The following HCN1 variants were observed in gnomAD, a reference collection of about 807,000 sequenced individuals.
HCN1 encodes the protein potassium/sodium hyperpolarization-activated cyclic nucleotide-gated channel 1.
In HCN1, 13 loss-of-function variants were observed where a neutral mutation model predicts 78.9. That is an observed-to-expected ratio of 0.16 (90% CI 0.11 to 0.26). The LOEUF is 0.26. HCN1 is among the 10% of genes least tolerant of loss of function. HCN1 has a pLI of 1.00. For synonymous variants in HCN1, 552 were observed against 455.5 expected, an observed-to-expected ratio of 1.21 and a Z score of -2.70; for missense variants, 810 against 1,154.3, an observed-to-expected ratio of 0.70 and a Z score of 4.32.
intron 3 of HCN1, among the ~76,000 whole-genome samples, chr5:45,456,115 T>C (rs1237610884): frequency 1.3e-5 from 2 of 152,030 alleles, no homozygotes; most frequent in Admixed American, 6.6e-5. Context: ...CTTAACTTTT[T>C]GGAAATTAAT....
intron 2 of HCN1, chr5:45,644,026 A>T (rs568269506): frequency 2.6e-5 from 4 of 152,122 alleles, no homozygotes; most frequent in Non-Finnish European, 4.4e-5. Context: ...TTATCAGTGT[A>T]TTATGCAGTG....
intron 2 of HCN1, chr5:45,642,214 T>C (rs1745470287): frequency 6.6e-6 from 1 of 152,130 alleles, no homozygotes; most frequent in African/African-American, 2.4e-5. Flanking sequence ...ATCCCAAATC[T>C]ATTGATCTTA....
At chr5:45,272,328 A>AGGTAC (rs1390999644) in intron 6 of HCN1, among the ~76,000 whole-genome samples, 1 of 152,056 alleles carries the variant, frequency 6.6e-6, no homozygotes, top group African/African-American at 2.4e-5. Context: ...TGTAGCTCAT[A>AGGTAC]CTATCCTTTA....
At chr5:45,626,094 T>C (rs1420006410) in intron 2 of HCN1, among the ~76,000 whole-genome samples, 2 of 152,146 alleles carry the variant, frequency 1.3e-5, no homozygotes, top group African/African-American at 2.4e-5. Context: ...ACTGTATAGA[T>C]AGGAAAATAT....
chr5:45,566,789 T>G (rs916888589), intron 2 of HCN1, among the ~76,000 whole-genome samples: 1 of 152,206 alleles, frequency 6.6e-6, no homozygotes, highest in African/African-American at 2.4e-5. Context: ...GGTTCCTCCC[T>G]ATGAGGAAAA....
chr5:45,262,342 G>T lies in HCN1; in HGVS notation c.2252C>A (p.Pro751Gln). ...GCCAGGTGTCTGTGGCTGCGGGGAC[G>T]GCTGCTGTGGCTGAGTCTGCGGCGG... is the stretch of plus-strand genomic sequence containing the variant. ...SQPPQTQPQQ[P>Q]SPQPQTPGSS... The change falls in exon 8 of 8, where the codon CCG becomes CAG. Residue 751 changes from proline to glutamine, a missense_variant. Pro to Gln is a moderately conservative substitution (Grantham distance 76). Around this residue, in one of 6 missense-constraint regions of HCN1, gnomAD observed 398 missense variants for 381.3 expected, o/e 1.04. Coordinates refer to ENST00000303230, the MANE Select transcript of HCN1 (RefSeq NM_021072.4). The T allele has an allele frequency of 1.2e-6, 2 of 1,613,240 alleles. No individual in the cohort carries two copies. Among genetic ancestry groups the T allele is most frequent in the Non-Finnish European group, 1.7e-6 (2 of 1,179,844 alleles).
intron 2 of HCN1, among the ~76,000 whole-genome samples, chr5:45,525,186 T>C (rs1012442471): frequency 6.6e-6 from 1 of 152,130 alleles, no homozygotes; most frequent in African/African-American, 2.4e-5. Flanking sequence ...TGAACCAGCC[T>C]TACATCCCAG....
At chr5:45,348,966 A>G (rs1746818793) in intron 5 of HCN1, among the ~76,000 whole-genome samples, 1 of 152,206 alleles carries the variant, frequency 6.6e-6, no homozygotes, top group Admixed American at 6.5e-5. Context: ...CAGATTAACG[A>G]GACAGAAAGT....
chr5:45,262,360 T>G lies in HCN1; in HGVS notation c.2234A>C (p.Gln745Pro), dbSNP rs2111839142. ...CGGGGACGGCTGCTGTGGCTGAGTCTGCGGCGGCTGGGACTGCTGTACCTG... is the reference window on the plus strand; with the variant it reads ...CGGGGACGGCTGCTGTGGCTGAGTCGGCGGCGGCTGGGACTGCTGTACCTG... ...QQQVQQSQPP[Q>P]TQPQQPSPQP... Residue 745 changes from glutamine (Q) to proline (P), a missense_variant, in exon 8 of 8, where the codon CAG becomes CCG. By Grantham distance (76) the Gln-to-Pro change is moderately conservative. Coordinates refer to ENST00000303230, the MANE Select transcript of HCN1 (RefSeq NM_021072.4). 1 of 1,612,684 alleles carries G rather than the reference T, an allele frequency of 6.2e-7. No individual in the cohort carries two copies. The highest frequency in any genetic ancestry group is 2.2e-5 in the East Asian group (1 of 44,866).
At position 45,300,433 on chromosome 5, in the gene HCN1, C is replaced by A. The variant is rs933682869; in HGVS notation, c.1618+3166G>T. Among the ~76,000 whole-genome samples, 4 of 151,892 alleles carry A rather than the reference C, an allele frequency of 2.6e-5. No homozygotes were observed. The East Asian group carries it at 5.8e-4, about 22-fold the overall frequency. ...AACATAAAAATGATGAGGATGAAGA[C>A]CTTGATGATGATCCATTTATTATGA... is the stretch of plus-strand genomic sequence containing the variant. On this transcript the variant is annotated intron_variant, in intron 6 of 7. Coordinates refer to ENST00000303230, the MANE Select transcript of HCN1 (RefSeq NM_021072.4).
intron 3 of HCN1, among the ~76,000 whole-genome samples, chr5:45,438,367 CGGATCACCA>C (rs1740601152): frequency 6.6e-6 from 1 of 151,888 alleles, no homozygotes; most frequent in Non-Finnish European, 1.5e-5. Context: ...CCGAGGAGGG[CGGATCACCA>C]GGTCAGGAGA....
At chr5:45,348,338 G>T (rs1340593567) in intron 5 of HCN1, among the ~76,000 whole-genome samples, 1 of 152,104 alleles carries the variant, frequency 6.6e-6, no homozygotes, top group Non-Finnish European at 1.5e-5. Context: ...TCACCAGCAG[G>T]CCTGCCCTAA....
intron 2 of HCN1, among the ~76,000 whole-genome samples, chr5:45,638,883 A>T (rs1745403942): frequency 6.6e-6 from 1 of 152,216 alleles, no homozygotes; most frequent in Non-Finnish European, 1.5e-5. Context: ...AGCCTGGGCG[A>T]CATAGCAGTT....
At chr5:45,694,649 A>G (rs1410274688) in intron 1 of HCN1, among the ~76,000 whole-genome samples, 1 of 152,188 alleles carries the variant, frequency 6.6e-6, no homozygotes, top group African/African-American at 2.4e-5. Flanking sequence ...ACCCTGAGTT[A>G]TTAGGAGTTA....
At chr5:45,401,145 T>A (rs1167040548) in intron 3 of HCN1, among the ~76,000 whole-genome samples, 1 of 152,186 alleles carries the variant, frequency 6.6e-6, no homozygotes, top group Admixed American at 6.6e-5. Context: ...AGAGTAAGAT[T>A]TTCAGTTTGA....
chr5:45,500,182 A>G (rs1350980001), intron 2 of HCN1, among the ~76,000 whole-genome samples: 14 of 152,138 alleles, frequency 9.2e-5, no homozygotes, highest in Non-Finnish European at 1.3e-4. Context: ...AAAAAAAATA[A>G]TTTTTCTTAT....
chr5:45,288,810 G>T (rs1307471548), intron 6 of HCN1, among the ~76,000 whole-genome samples: 2 of 151,980 alleles, frequency 1.3e-5, no homozygotes, highest in Non-Finnish European at 1.5e-5. Flanking sequence ...GACTTGAAGG[G>T]AGGGTCTAAA....
At chr5:45,687,406 A>T (rs976710555) in intron 1 of HCN1, among the ~76,000 whole-genome samples, 1 of 152,078 alleles carries the variant, frequency 6.6e-6, no homozygotes, top group African/African-American at 2.4e-5. Context: ...CTTATAAATT[A>T]GTTATTGGTT....
At chr5:45,289,673 A>G (rs1458977616) in intron 6 of HCN1, among the ~76,000 whole-genome samples, 1 of 152,074 alleles carries the variant, frequency 6.6e-6, no homozygotes, top group Admixed American at 6.6e-5. Context: ...GAGAGCAAAT[A>G]TACAGGCACA....
Sources: gnomAD v4.1 joint callset for allele counts (sites outside exome capture counted in the v4.1 genomes callset) on GRCh38, gnomAD v4.1.1 for gene constraint, gnomAD v4.1.1 regional missense constraint, MANE v1.5 for transcripts, NCBI Gene and HGNC (gene_info 2026-07-23, HGNC 2026-07-21) for gene names.